Variants in MTCL1 observed in about 807,000 individuals in gnomAD.
MTCL1 encodes microtubule crosslinking factor 1.
In MTCL1, 79 loss-of-function variants were observed where a neutral mutation model predicts 141.4. That is an observed-to-expected ratio of 0.56 (90% CI 0.47 to 0.67). The LOEUF (loss-of-function observed/expected upper bound fraction) is 0.67. MTCL1 is among the 30% of genes least tolerant of loss of function. The pLI is 0.00. For missense variants in MTCL1, 2,177 were observed against 2,113.9 expected (o/e 1.03, Z -0.59); for synonymous variants, 914 against 875.8 (o/e 1.04, Z -0.77).
chr18:8,806,871 G>C (rs1245016112), intron 10 of MTCL1, 22 bp from the exon 10 acceptor site: 1 of 1,609,402 alleles, frequency 6.2e-7, no homozygotes, highest in Non-Finnish European at 8.5e-7. Flanking sequence ...AGGTGGTGGA[G>C]CCTGACTCAG....
intron 13 of MTCL1, among the ~76,000 whole-genome samples, chr18:8,820,112 T>C (rs2076792490): frequency 6.6e-6 from 1 of 152,116 alleles, no homozygotes; most frequent in South Asian, 2.1e-4. Context: ...AAACCTTGTT[T>C]TAAAAGTTGT....
At chr18:8,706,063 G>C (rs2096057616) in exon 1 of MTCL1, 1 of 1,192,796 alleles carries the variant, frequency 8.4e-7, no homozygotes, top group Admixed American at 4.5e-5. Context: ...GGCGGCGCGC[G>C]TGGCGCCCGC....
intron 4 of MTCL1, among the ~76,000 whole-genome samples, chr18:8,746,532 T>C (rs1332420254): frequency 2.6e-5 from 4 of 152,212 alleles, no homozygotes; most frequent in African/African-American, 9.6e-5. Context: ...GATTTGAATC[T>C]AGAAACCCTG....
exon 15 of MTCL1, chr18:8,824,894 G>A (rs577699282): frequency 5.0e-6 from 8 of 1,613,876 alleles, no homozygotes; most frequent in Admixed American, 3.3e-5. Context: ...ATGGTGGGGG[G>A]CCGGACCTTT....
intron 4 of MTCL1, among the ~76,000 whole-genome samples, chr18:8,730,592 G>A (rs1010413189): frequency 1.3e-5 from 2 of 152,170 alleles, no homozygotes; most frequent in Non-Finnish European, 2.9e-5. Context: ...CTTCCTGAAC[G>A]TCAGCCAGGC....
intron 6 of MTCL1, 54 bp downstream of exon 5, chr18:8,784,897 C>G: frequency 1.4e-6 from 2 of 1,459,038 alleles, no homozygotes; most frequent in Non-Finnish European, 1.8e-6. Context: ...TCCTCCTTCT[C>G]GCTGGCATTG....
chr18:8,828,895 C>A lies in MTCL1; in HGVS notation c.4723-13C>A, dbSNP rs781063948. 6 of 1,614,214 alleles carry A rather than the reference C, an allele frequency of 3.7e-6. No individual in the cohort carries two copies. The South Asian group carries it at 6.6e-5, about 18-fold the overall frequency. ...TCTTGCTTTTCTTTTCTTTCTCTGT[C>A]TGTTCTGTCCAGAACCAAACTGTCT... On this transcript the variant is annotated splice_polypyrimidine_tract_variant and intron_variant, in intron 15 of 16. Transcript: ENST00000359865. This position sits in a 1 kb window ranked among gnomAD's most constrained non-coding sequence, Gnocchi z 5.2.
chr18:8,766,440 G>A (rs529827390), intron 4 of MTCL1, among the ~76,000 whole-genome samples: 11 of 152,342 alleles, frequency 7.2e-5, no homozygotes, highest in Admixed American at 5.2e-4. Flanking sequence ...GGGGCCTGGG[G>A]CGCCCCAGTG....
rs1021748266 is a variant in MTCL1 at position 8,821,454 on chromosome 18, T to C, written c.3157-13T>C. On this transcript the variant is annotated splice_polypyrimidine_tract_variant and intron_variant, in intron 13 of 16. Coordinates refer to ENST00000359865, the Ensembl canonical transcript of MTCL1. Reference sequence around the variant, plus strand: ...AATTAACCGATTCAGATGAAGTTATTTCTTCTTTATAGGAAGAAGAAAATC... The same window carrying C: ...AATTAACCGATTCAGATGAAGTTATCTCTTCTTTATAGGAAGAAGAAAATC... 2.1e-6 allele frequency: 3 copies of C among 1,445,900 alleles called. No homozygotes were observed. Among genetic ancestry groups the C allele is most frequent in the Non-Finnish European group, 1.9e-6 (2 of 1,038,280 alleles). 89.6% of individuals were successfully genotyped at this position (1,445,900 alleles called of 1,614,324 possible). A position where few individuals can be genotyped will look rare whatever the true frequency, so the allele number is the denominator to read the frequency against.
exon 8 of MTCL1, chr18:8,793,113 T>A (rs776123864): frequency 5.0e-6 from 8 of 1,613,694 alleles, no homozygotes; most frequent in Non-Finnish European, 6.8e-6. Context: ...ACAAACAAGA[T>A]CCATAAGGTA....
At position 8,779,042 on chromosome 18, in the gene MTCL1, G is replaced by A. The variant is rs2096523589; in HGVS notation, c.417+1150G>A. Reference sequence around the variant, plus strand: ...AGGAGTTTCTGTTCAGCAGAATGGTGGAATGGAGCGCCCTGGGAACTGCAG... The same window carrying A: ...AGGAGTTTCTGTTCAGCAGAATGGTAGAATGGAGCGCCCTGGGAACTGCAG... On this transcript the variant is annotated intron_variant, in intron 5 of 16. Transcript: ENST00000359865. The surrounding 1 kb of genome is among the most constrained non-coding windows in gnomAD (Gnocchi z 4.1). Among the ~76,000 whole-genome samples, 2 of 152,212 alleles carry A rather than the reference G, an allele frequency of 1.3e-5. No individual in the cohort carries two copies. The highest frequency in any genetic ancestry group is 4.8e-5 in the African/African-American group (2 of 41,468).
intron 10 of MTCL1, among the ~76,000 whole-genome samples, chr18:8,800,253 G>A (rs765470592): frequency 1.9e-4 from 29 of 152,340 alleles, no homozygotes; most frequent in African/African-American, 4.3e-4. Context: ...ACAGAGCCGG[G>A]CCGTTCCCGA....
intron 4 of MTCL1, among the ~76,000 whole-genome samples, chr18:8,767,795 G>GA (rs546975757): frequency 3.6e-4 from 54 of 151,546 alleles, no homozygotes; most frequent in African/African-American, 1.1e-3. Flanking sequence ...TGGGGGAATG[G>GA]AAAAAAAATC....
chr18:8,783,979 G>C lies in MTCL1; in HGVS notation c.867G>C (p.Arg289=), dbSNP rs780730063. Residue 289 remains arginine (R), a synonymous_variant, in exon 6 of 17, where the codon CGG becomes CGC. Transcript: ENST00000359865. ...TAGAAGAGGAAGCGGAGTTGCTCCG[G>C]AGGTCCATCTCCGAGATCGAAGACC... 13 of 1,613,802 alleles carry C rather than the reference G, an allele frequency of 8.1e-6. No homozygotes were observed. The South Asian group carries it at 1.4e-4, about 18-fold the overall frequency.
At chr18:8,787,772 G>C (rs978411941) in intron 7 of MTCL1, among the ~76,000 whole-genome samples, 7 of 152,196 alleles carry the variant, frequency 4.6e-5, no homozygotes, top group African/African-American at 1.7e-4. Context: ...ACACAGAAAA[G>C]AAAACTCAAT....
chr18:8,728,938 G>A (rs2096234927), intron 4 of MTCL1, among the ~76,000 whole-genome samples: 1 of 151,790 alleles, frequency 6.6e-6, no homozygotes, highest in South Asian at 2.1e-4. Context: ...GTTTCACCAT[G>A]TTGGCCAGGC....
At chr18:8,824,069 C>G (rs1032290245) in intron 14 of MTCL1, among the ~76,000 whole-genome samples, 1 of 152,208 alleles carries the variant, frequency 6.6e-6, no homozygotes, top group Non-Finnish European at 1.5e-5. Context: ...GGTTCTGTTG[C>G]CTGAGCCAGC....
At chr18:8,744,552 T>G (rs569119143) in intron 4 of MTCL1, among the ~76,000 whole-genome samples, 68 of 152,356 alleles carry the variant, frequency 4.5e-4, no homozygotes, top group South Asian at 1.0e-3. Flanking sequence ...TCCTGCTGCT[T>G]CTTGTGACTA....
chr18:8,792,954 A>C, intron 7 of MTCL1, 44 bp from the exon 7 acceptor site: 1 of 1,608,210 alleles, frequency 6.2e-7, no homozygotes, highest in South Asian at 1.1e-5. Flanking sequence ...CCTCAGGCAG[A>C]GTTCTCATTT....
Sources: allele counts gnomAD v4.1 joint callset (sites outside exome capture counted in the v4.1 genomes callset), GRCh38; gene constraint gnomAD v4.1.1; non-coding constraint Gnocchi (gnomAD v3.1); transcripts MANE v1.5; gene names NCBI Gene and HGNC (gene_info 2026-07-23, HGNC 2026-07-21).